Variants in NRCAM observed in about 807,000 individuals in gnomAD.
NRCAM encodes neuronal cell adhesion molecule.
Under a neutral mutation model 156.5 loss-of-function variants are expected in NRCAM, and 83 were observed. The ratio of observed to expected loss-of-function variants is 0.53; its 90% CI spans 0.44 to 0.64. The LOEUF (loss-of-function observed/expected upper bound fraction) is 0.64, where lower values mean the gene tolerates loss of function less well. Ranked by LOEUF, NRCAM falls within the 30% of genes least tolerant of loss-of-function variation. The pLI, the probability that NRCAM is intolerant of heterozygous loss-of-function variation, is 0.00. For missense variants in NRCAM, 1,417 were observed against 1,597.3 expected, an observed-to-expected ratio of 0.89 and a Z score of 1.92; for synonymous variants, 538 against 563.9, an observed-to-expected ratio of 0.95 and a Z score of 0.65.
At chr7:108,344,150 C>T (rs2099326179) in intron 2 of NRCAM, among the ~76,000 whole-genome samples, 1 of 152,144 alleles carries the variant, frequency 6.6e-6, no homozygotes, top group Non-Finnish European at 1.5e-5. Context: ...TTGGGTTTTC[C>T]TGTTGAGAGG....
rs567322261 is a variant in NRCAM, at chr7:108,191,753, C to T, written c.1879G>A (p.Ala627Thr). 1.4e-5 allele frequency: 23 copies of T among 1,613,770 alleles called. No individual in the cohort carries two copies. Among genetic ancestry groups the T allele is most frequent in the South Asian group, 7.7e-5 (7 of 91,048 alleles). Residue 627 changes from alanine to threonine, a missense_variant, in exon 18 of 33, where the codon GCC (alanine) becomes ACC (threonine). By Grantham distance (58) the Ala-to-Thr change is moderately conservative. This residue lies in a region of NRCAM where 1,238 missense variants were observed against 1,336.4 expected (regional missense o/e 0.93). Coordinates refer to ENST00000379028, the MANE Select transcript of NRCAM (RefSeq NM_001037132.4). ...CCAACAACGCTAAGCACAGCGCTGG[C>T]GGAGACGCTGTCCAGAGTGGTGTTG... ...VANTTLDSVS[A>T]SAVLSVVAPT...
At chr7:108,369,252 A>C (rs1324316541) in intron 2 of NRCAM, among the ~76,000 whole-genome samples, 1 of 152,048 alleles carries the variant, frequency 6.6e-6, no homozygotes, top group Non-Finnish European at 1.5e-5. Context: ...AAAACATCTA[A>C]TTTATAAGTG....
At chr7:108,422,946 A>G (rs1270995699) in intron 1 of NRCAM, among the ~76,000 whole-genome samples, 1 of 152,068 alleles carries the variant, frequency 6.6e-6, no homozygotes, top group Non-Finnish European at 1.5e-5. Context: ...AGCCTCCAGG[A>G]GCCAAGAGAA....
rs1386962002 is a variant in NRCAM at position 108,207,654 on chromosome 7, G to C, written c.1081C>G (p.Pro361Ala). Residue 361 changes from proline to alanine, a missense_variant, in exon 13 of 33, where the codon CCA (proline) becomes GCA (alanine). By Grantham distance (27) the Pro-to-Ala change is conservative (BLOSUM62 -1). Transcript: ENST00000379028. ...TTTTGAGGGGCTGTGATCCAGTATG[G>C]AGCCGCTTTATAGGAGGAAGAAAAA... ...HTISVRVKAAPYWITAPQNLV... is the reference protein window; with the variant it reads ...HTISVRVKAAAYWITAPQNLV... 16 of 1,607,010 alleles carry C rather than the reference G, an allele frequency of 1.0e-5. No homozygotes were observed. Among genetic ancestry groups the C allele is most frequent in the Non-Finnish European group, 1.2e-5 (14 of 1,177,722 alleles).
intron 3 of NRCAM, among the ~76,000 whole-genome samples, chr7:108,288,232 C>T (rs531265773): frequency 6.6e-6 from 1 of 151,908 alleles, no homozygotes; most frequent in Non-Finnish European, 1.5e-5. Context: ...ATTGAAGACT[C>T]CAAGAGGTGG....
chr7:108,235,269 T>G (rs188434784), intron 5 of NRCAM, among the ~76,000 whole-genome samples: 3 of 152,096 alleles, frequency 2.0e-5, no homozygotes. Context: ...TAAATGGAAT[T>G]GAGGAAGTTC....
chr7:108,386,718 C>T (rs914699756), intron 2 of NRCAM, among the ~76,000 whole-genome samples: 1 of 152,118 alleles, frequency 6.6e-6, no homozygotes, highest in Admixed American at 6.6e-5. Flanking sequence ...GAAAAGCATA[C>T]AAGGTGTGTA....
At chr7:108,186,929 G>A (rs2067191828) in intron 20 of NRCAM, among the ~76,000 whole-genome samples, 2 of 151,990 alleles carry the variant, frequency 1.3e-5, no homozygotes, top group South Asian at 2.1e-4. Flanking sequence ...AAATGACATG[G>A]GATATAAAGT....
intron 13 of NRCAM, among the ~76,000 whole-genome samples, chr7:108,199,462 G>C (rs2076821001): frequency 6.6e-6 from 1 of 152,178 alleles, no homozygotes; most frequent in Non-Finnish European, 1.5e-5. Context: ...AGTCTGACAT[G>C]GGTCACACTG....
At chr7:108,173,299 T>C (rs1478449601) in intron 28 of NRCAM, among the ~76,000 whole-genome samples, 1 of 152,178 alleles carries the variant, frequency 6.6e-6, no homozygotes, top group Non-Finnish European at 1.5e-5. Context: ...TTGATGCTTC[T>C]ATAGCTAAGG....
At chr7:108,354,269 T>C (rs556223370) in intron 2 of NRCAM, among the ~76,000 whole-genome samples, 58 of 152,350 alleles carry the variant, frequency 3.8e-4, no homozygotes, top group Non-Finnish European at 7.5e-4. Flanking sequence ...AACAACTACA[T>C]GCTCCTTCAT....
intron 1 of NRCAM, among the ~76,000 whole-genome samples, chr7:108,407,520 T>A (rs1441047091): frequency 6.6e-6 from 1 of 152,228 alleles, no homozygotes; most frequent in African/African-American, 2.4e-5. Context: ...TCAGGCCAAG[T>A]ACCTGCTCAG....
At chr7:108,208,221 G>T (rs969665233) in intron 12 of NRCAM, among the ~76,000 whole-genome samples, 17 of 151,934 alleles carry the variant, frequency 1.1e-4, no homozygotes, top group Admixed American at 2.6e-4. Context: ...CAGGAGAATT[G>T]CTTGAACCCG....
intron 11 of NRCAM, among the ~76,000 whole-genome samples, chr7:108,222,045 A>G (rs1456920173): frequency 7.2e-5 from 11 of 152,200 alleles, no homozygotes; most frequent in Admixed American, 3.3e-4. Flanking sequence ...CTGATGAAAT[A>G]GCTTCTAGAA....
chr7:108,385,902 A>C (rs2099739171), intron 2 of NRCAM, among the ~76,000 whole-genome samples: 1 of 121,398 alleles, frequency 8.2e-6, no homozygotes, highest in African/African-American at 2.8e-5. Context: ...CTGTCTATGG[A>C]GAGAGAGGGA....
At position 108,309,625 on chromosome 7, in the gene NRCAM, G is replaced by C. The variant is rs531744924; in HGVS notation, c.-107+3040C>G. ...TAATTCCAGTACTTTGTGAGGCCAAGGCAGGCAGATCACTTGAGGCCAGGA... is the reference window on the plus strand; with the variant it reads ...TAATTCCAGTACTTTGTGAGGCCAACGCAGGCAGATCACTTGAGGCCAGGA... On this transcript the variant is annotated intron_variant, in intron 3 of 32. Transcript: ENST00000379028. 1.4e-4 allele frequency among the ~76,000 whole-genome samples: 22 copies of C among 152,314 alleles called. No individual in the cohort carries two copies. In the South Asian group the frequency reaches 4.4e-3, roughly 30 times the overall value.
intron 1 of NRCAM, among the ~76,000 whole-genome samples, chr7:108,406,806 G>C (rs752425807): frequency 4.6e-5 from 7 of 152,150 alleles, no homozygotes; most frequent in Non-Finnish European, 7.4e-5. Context: ...TGTTTATTTT[G>C]CTTAGCTCCA....
At chr7:108,443,712 G>A (rs1483878443) in intron 1 of NRCAM, among the ~76,000 whole-genome samples, 1 of 152,056 alleles carries the variant, frequency 6.6e-6, no homozygotes, top group African/African-American at 2.4e-5. Flanking sequence ...GATTATAATC[G>A]AAAAAGGTAA....
intron 1 of NRCAM, among the ~76,000 whole-genome samples, chr7:108,443,609 C>A (rs1164067304): frequency 2.0e-5 from 3 of 152,164 alleles, no homozygotes; most frequent in Non-Finnish European, 1.5e-5. Flanking sequence ...GACTACACAG[C>A]CTTGGCACCT....
Sources: allele counts gnomAD v4.1 joint callset (sites outside exome capture counted in the v4.1 genomes callset), GRCh38; gene constraint gnomAD v4.1.1; regional missense constraint gnomAD v4.1.1; transcripts MANE v1.5; gene names NCBI Gene and HGNC (gene_info 2026-07-23, HGNC 2026-07-21).